Variants in GPC3 observed in about 807,000 individuals in gnomAD.
The protein encoded by GPC3 is glypican 3.
A neutral mutation model predicts 34.4 loss-of-function variants in GPC3; 3 were observed. The ratio of observed to expected loss-of-function variants is 0.09; its 90% confidence interval spans 0.04 to 0.23. The LOEUF is 0.23. Among genes scored for constraint, GPC3 ranks in the 10% least tolerant of loss-of-function variants. The probability of loss-of-function intolerance (pLI) is 1.00; values close to 1 mark genes in which losing one functional copy is unlikely to be tolerated. For synonymous variants in GPC3, 177 were observed against 174.0 expected, an observed-to-expected ratio of 1.02 and a Z score of -0.13; for missense variants, 351 against 445.6, an observed-to-expected ratio of 0.79 and a Z score of 1.91.
chrX:133,866,584 C>T (rs2075968342), intron 2 of GPC3, among the ~76,000 whole-genome samples: 1 of 112,283 alleles, frequency 8.9e-6, no homozygotes, highest in Admixed American at 9.5e-5. Context: ...TCTTAACCTA[C>T]AGTAACATGT....
intron 6 of GPC3, among the ~76,000 whole-genome samples, chrX:133,613,360 A>C (rs1569396419): frequency 1.8e-5 from 2 of 112,158 alleles, no homozygotes; most frequent in African/African-American, 3.2e-5. Flanking sequence ...CCAAAGAATG[A>C]AAGAAACCAA....
chrX:133,609,298 A>G (rs1420601398), intron 6 of GPC3, among the ~76,000 whole-genome samples: 1 of 112,456 alleles, frequency 8.9e-6, no homozygotes, highest in Non-Finnish European at 1.9e-5. Context: ...TATGCGGGCC[A>G]TTGGCAAGCC....
At chrX:133,883,232 A>C (rs1247900549) in intron 2 of GPC3, among the ~76,000 whole-genome samples, 1 of 111,444 alleles carries the variant, frequency 9.0e-6, no homozygotes, top group African/African-American at 3.3e-5. Context: ...TTCTGCTTCT[A>C]TTGCTTTCCA....
At chrX:133,982,549 C>A (rs1305923627) in intron 1 of GPC3, among the ~76,000 whole-genome samples, 2 of 112,074 alleles carry the variant, frequency 1.8e-5, no homozygotes, top group African/African-American at 6.5e-5. Flanking sequence ...GCTGGCTGAT[C>A]TCAAATGCCA....
chrX:133,607,354 A>G (rs1431191901), intron 6 of GPC3, among the ~76,000 whole-genome samples: 1 of 111,738 alleles, frequency 8.9e-6, no homozygotes, highest in Non-Finnish European at 1.9e-5. Flanking sequence ...GGTGCTCAGG[A>G]CATGTTTGGT....
chrX:133,820,188 A>C (rs2075712488), intron 2 of GPC3, among the ~76,000 whole-genome samples: 1 of 112,090 alleles, frequency 8.9e-6, no homozygotes. Flanking sequence ...CACCATGATA[A>C]TATATGTAAC....
At chrX:133,968,016 A>C (rs2076471946) in intron 1 of GPC3, among the ~76,000 whole-genome samples, 1 of 112,825 alleles carries the variant, frequency 8.9e-6, no homozygotes, top group Non-Finnish European at 1.9e-5. Flanking sequence ...TGCATGTCTT[A>C]GGAGTGCTGG....
intron 2 of GPC3, among the ~76,000 whole-genome samples, chrX:133,852,100 C>T (rs1490943288): frequency 2.7e-5 from 3 of 111,299 alleles, no homozygotes; most frequent in African/African-American, 9.7e-5. Context: ...CATGGTCAAC[C>T]TAACTGTATT....
chrX:133,689,063 T>C (rs2071036456), intron 5 of GPC3, among the ~76,000 whole-genome samples: 2 of 111,375 alleles, frequency 1.8e-5, no homozygotes, highest in Admixed American at 1.9e-4. Context: ...TGGATTACAC[T>C]ACCCTTATTC....
At chrX:133,661,126 G>A (rs1008774183) in intron 6 of GPC3, among the ~76,000 whole-genome samples, 2 of 111,536 alleles carry the variant, frequency 1.8e-5, no homozygotes, top group Admixed American at 9.5e-5. Flanking sequence ...CCATGACTGT[G>A]CCACTGACCT....
At chrX:133,739,028 T>G (rs2071537961) in intron 3 of GPC3, among the ~76,000 whole-genome samples, 1 of 111,871 alleles carries the variant, frequency 8.9e-6, no homozygotes, top group South Asian at 3.8e-4. Context: ...TCATCATTAG[T>G]TATTGTCATT....
At chrX:133,879,812 A>T (rs1459458434) in intron 2 of GPC3, among the ~76,000 whole-genome samples, 1 of 111,484 alleles carries the variant, frequency 9.0e-6, no homozygotes, top group East Asian at 2.8e-4. Context: ...TCTCAAAAAA[A>T]AAAAAAAGAT....
intron 6 of GPC3, among the ~76,000 whole-genome samples, chrX:133,641,201 T>A (rs1388459148): frequency 9.1e-6 from 1 of 109,933 alleles, no homozygotes; most frequent in Non-Finnish European, 1.9e-5. Flanking sequence ...CCAGGCCAGG[T>A]GTGGTGGCTC....
intron 7 of GPC3, 122 bp from the exon 8 acceptor site, chrX:133,536,415 T>A (rs112367449): frequency 3.7e-5 from 10 of 267,649 alleles, no homozygotes; most frequent in Non-Finnish European, 6.7e-5. Context: ...CCCTTTTTTA[T>A]GGGGGAGAAA....
intron 3 of GPC3, among the ~76,000 whole-genome samples, chrX:133,714,965 C>G (rs980526164): frequency 8.9e-6 from 1 of 111,809 alleles, no homozygotes; most frequent in African/African-American, 3.2e-5. Context: ...ATGGTTAATA[C>G]TGAATGTCAA....
intron 2 of GPC3, among the ~76,000 whole-genome samples, chrX:133,836,391 C>T (rs1275969588): frequency 8.9e-6 from 1 of 111,907 alleles, no homozygotes; most frequent in African/African-American, 3.2e-5. Flanking sequence ...GGCTTCATGG[C>T]CCCTTTGCCC....
At chrX:133,719,156 G>A (rs1306492454) in intron 3 of GPC3, among the ~76,000 whole-genome samples, 4 of 110,635 alleles carry the variant, frequency 3.6e-5, no homozygotes, top group Non-Finnish European at 5.7e-5. Context: ...TCTACTACAC[G>A]TGGAACGTTC....
intron 1 of GPC3, among the ~76,000 whole-genome samples, chrX:133,962,004 CA>C (rs1231325425): frequency 8.9e-6 from 1 of 111,876 alleles, no homozygotes; most frequent in African/African-American, 3.3e-5. Context: ...AGTAAGGGCA[CA>C]GGGGTGTGAA....
intron 3 of GPC3, among the ~76,000 whole-genome samples, chrX:133,709,601 C>T (rs2071249660): frequency 9.0e-6 from 1 of 111,627 alleles, no homozygotes; most frequent in Admixed American, 9.5e-5. Flanking sequence ...AATAAAAATG[C>T]TAATATATGT....
Sources: gnomAD v4.1 joint callset for allele counts (sites outside exome capture counted in the v4.1 genomes callset) on GRCh38, gnomAD v4.1.1 for gene constraint, MANE v1.5 for transcripts, NCBI Gene and HGNC (gene_info 2026-07-23, HGNC 2026-07-21) for gene names.